Variants in MIS18A observed in about 807,000 individuals in gnomAD.
MIS18A encodes protein Mis18-alpha.
Under a neutral mutation model 25.0 loss-of-function variants are expected in MIS18A, and 14 were observed. That is an observed-to-expected ratio of 0.56 (90% CI 0.37 to 0.88). The LOEUF is 0.88. MIS18A is among the 40% of genes least tolerant of loss of function. The pLI, the probability that MIS18A is intolerant of heterozygous loss-of-function variation, is 0.00. For synonymous variants in MIS18A, 134 were observed against 118.6 expected, an observed-to-expected ratio of 1.13 and a Z score of -0.84; for missense variants, 292 against 290.8, an observed-to-expected ratio of 1.00 and a Z score of -0.03.
At chr21:32,247,449 A>G in the MIS18A span, among the ~76,000 whole-genome samples, 1 of 152,246 alleles carries the variant, frequency 6.6e-6, no homozygotes, top group African/African-American at 2.4e-5. Context: ...TGACATGGCT[A>G]GAGTGGACCC....
the MIS18A span, among the ~76,000 whole-genome samples, chr21:32,212,958 A>G: frequency 6.6e-6 from 1 of 152,320 alleles, no homozygotes; most frequent in South Asian, 2.1e-4. Flanking sequence ...AGTCTCGGGT[A>G]TATCTTTATT....
the MIS18A span, among the ~76,000 whole-genome samples, chr21:32,213,966 T>C: frequency 6.6e-6 from 1 of 152,256 alleles, no homozygotes; most frequent in Non-Finnish European, 1.5e-5. Context: ...TAGGACTGAA[T>C]ATCTTTGGGG....
At chr21:32,165,552 G>A in the MIS18A span, among the ~76,000 whole-genome samples, 2 of 150,574 alleles carry the variant, frequency 1.3e-5, no homozygotes, top group Non-Finnish European at 2.9e-5. Context: ...TTTAATTAGT[G>A]ACACAGTTCT....
the MIS18A span, among the ~76,000 whole-genome samples, chr21:32,253,616 A>G: frequency 6.6e-6 from 1 of 152,102 alleles, no homozygotes. Flanking sequence ...GGAGCGGGAG[A>G]GTGAGCGACC....
chr21:32,232,775 T>C, the MIS18A span, among the ~76,000 whole-genome samples: 3 of 152,034 alleles, frequency 2.0e-5, no homozygotes, highest in Non-Finnish European at 2.9e-5. Flanking sequence ...TGAAGAGATA[T>C]AGGTCAAAGG....
At chr21:32,226,440 T>C in the MIS18A span, among the ~76,000 whole-genome samples, 1 of 152,058 alleles carries the variant, frequency 6.6e-6, no homozygotes, top group South Asian at 2.1e-4. Flanking sequence ...AGAGTTAGAG[T>C]GGCTATACTA....
chr21:32,168,164 G>A, the MIS18A span, among the ~76,000 whole-genome samples: 4 of 152,150 alleles, frequency 2.6e-5, no homozygotes, highest in South Asian at 2.1e-4. Context: ...ATCTGCAAGC[G>A]AAAAAGAGGG....
chr21:32,189,961 A>G, the MIS18A span, among the ~76,000 whole-genome samples: 48 of 152,286 alleles, frequency 3.2e-4, no homozygotes, highest in Non-Finnish European at 1.2e-4. Context: ...ATACTCACAC[A>G]AGGAACAACC....
chr21:32,259,706 C>G, the MIS18A span: 3 of 152,216 alleles, frequency 2.0e-5, no homozygotes, highest in African/African-American at 7.2e-5. Context: ...TCCCTTGCAC[C>G]CAGACAGCGC....
At chr21:32,252,520 A>G in the MIS18A span, among the ~76,000 whole-genome samples, 1 of 152,236 alleles carries the variant, frequency 6.6e-6, no homozygotes, top group Admixed American at 6.5e-5. Context: ...CAAGGGAGAT[A>G]TCTACAGCAA....
At chr21:32,193,871 C>G in the MIS18A span, among the ~76,000 whole-genome samples, 1 of 152,148 alleles carries the variant, frequency 6.6e-6, no homozygotes. Context: ...AGCATTGGCT[C>G]TACTGGTATT....
downstream of MIS18A, among the ~76,000 whole-genome samples, chr21:32,263,807 C>CT (rs60800890): frequency 0.041 from 4,960 of 121,086 alleles, 229 homozygotes; most frequent in African/African-American, 0.12. Flanking sequence ...GGGAAGCCTT[C>CT]TTTTTTTTTT....
the MIS18A span, among the ~76,000 whole-genome samples, chr21:32,224,453 A>C: frequency 1.3e-4 from 19 of 151,196 alleles, no homozygotes; most frequent in Admixed American, 2.6e-4. Context: ...AATCAATGTA[A>C]AAAAATCACA....
the MIS18A span, among the ~76,000 whole-genome samples, chr21:32,207,803 G>T: frequency 6.6e-6 from 1 of 152,088 alleles, no homozygotes; most frequent in African/African-American, 2.4e-5. Context: ...ACAAGGCTGC[G>T]CTTTCAAAAA....
chr21:32,186,611 C>A, the MIS18A span, among the ~76,000 whole-genome samples: 1 of 152,178 alleles, frequency 6.6e-6, no homozygotes, highest in African/African-American at 2.4e-5. Context: ...GAGGGCGATA[C>A]ATCTACAACT....
At chr21:32,187,524 T>C in the MIS18A span, among the ~76,000 whole-genome samples, 3 of 152,142 alleles carry the variant, frequency 2.0e-5, no homozygotes, top group African/African-American at 7.2e-5. Flanking sequence ...AGAAACAATA[T>C]GCATGGTTTC....
At chr21:32,178,273 A>G in the MIS18A span, among the ~76,000 whole-genome samples, 1 of 152,170 alleles carries the variant, frequency 6.6e-6, no homozygotes, top group Non-Finnish European at 1.5e-5. Flanking sequence ...TAAAATTTAC[A>G]TGGAAATGCA....
chr21:32,184,248 A>G, the MIS18A span, among the ~76,000 whole-genome samples: 1 of 152,174 alleles, frequency 6.6e-6, no homozygotes, highest in Non-Finnish European at 1.5e-5. Flanking sequence ...TTGGCCGCCT[A>G]CTCACAGGGT....
the MIS18A span, among the ~76,000 whole-genome samples, chr21:32,217,816 T>C: frequency 6.6e-6 from 1 of 151,736 alleles, no homozygotes; most frequent in Non-Finnish European, 1.5e-5. Context: ...TTCAAAATTC[T>C]GAAGGAAAAA....
Sources: allele counts gnomAD v4.1 joint callset (sites outside exome capture counted in the v4.1 genomes callset), GRCh38; gene constraint gnomAD v4.1.1; transcripts MANE v1.5; gene names NCBI Gene and HGNC (gene_info 2026-07-23, HGNC 2026-07-21).